DTNBP1: variants seen among roughly 807,000 people sequenced by gnomAD.
The protein encoded by DTNBP1 is dystrobrevin binding protein 1.
Under a neutral mutation model 42.8 loss-of-function variants are expected in DTNBP1, and 35 were observed. That is an observed-to-expected ratio of 0.82 (90% CI 0.63 to 1.09). DTNBP1 has a LOEUF of 1.09. Among genes scored for constraint, DTNBP1 ranks in the 50% least tolerant of loss-of-function variants. The probability of loss-of-function intolerance (pLI) is 0.00; values close to 1 mark genes in which losing one functional copy is unlikely to be tolerated. For missense variants in DTNBP1, 457 were observed against 424.2 expected (o/e 1.08, Z -0.68); for synonymous variants, 171 against 162.2 (o/e 1.05, Z -0.41).
chr6:15,527,597 A>G (rs1561935547), intron 8 of DTNBP1, among the ~76,000 whole-genome samples: 1 of 152,326 alleles, frequency 6.6e-6, no homozygotes, highest in South Asian at 2.1e-4. Context: ...TGAATATTCA[A>G]CTTGGGTTAG....
At chr6:15,639,483 T>C (rs1760215485) in intron 3 of DTNBP1, among the ~76,000 whole-genome samples, 1 of 152,348 alleles carries the variant, frequency 6.6e-6, no homozygotes, top group African/African-American at 2.4e-5. Flanking sequence ...ATTTTTCTAC[T>C]GAATTTAAGT....
intron 7 of DTNBP1, among the ~76,000 whole-genome samples, chr6:15,588,788 T>C (rs1776179507): frequency 1.3e-5 from 2 of 152,250 alleles, no homozygotes; most frequent in African/African-American, 4.8e-5. Flanking sequence ...CATATATGCA[T>C]CTTTACAACT....
intron 9 of DTNBP1, 63 bp from the exon 10 acceptor site, chr6:15,523,282 C>T: frequency 3.7e-6 from 6 of 1,601,704 alleles, no homozygotes; most frequent in Non-Finnish European, 5.1e-6. Flanking sequence ...AGAATTGCCG[C>T]CAACAGCTGT....
At position 15,549,998 on chromosome 6, in the gene DTNBP1, C is replaced by T. The variant is rs147241959; in HGVS notation, c.512-16603G>A. ...TGACTACGCCAATCCCACCTCACTTCAAGAACTTCCTGTCCAAAGGTGAGG... is the reference window on the plus strand; with the variant it reads ...TGACTACGCCAATCCCACCTCACTTTAAGAACTTCCTGTCCAAAGGTGAGG... On this transcript the variant is annotated intron_variant, in intron 7 of 9. Coordinates refer to ENST00000344537, the MANE Select transcript of DTNBP1 (RefSeq NM_032122.5). Among the ~76,000 whole-genome samples the T allele has an allele frequency of 2.9e-3, 447 of 152,338 alleles. 1 individual carries two copies. The highest frequency in any genetic ancestry group is 3.9e-3 in the Non-Finnish European group (268 of 68,024).
chr6:15,532,229 C>G (rs903396062), intron 8 of DTNBP1, among the ~76,000 whole-genome samples: 4 of 152,208 alleles, frequency 2.6e-5, no homozygotes, highest in Non-Finnish European at 4.4e-5. Flanking sequence ...ATGTAAGCTG[C>G]CCAGTGCCGC....
At chr6:15,653,971 T>C (rs1352793808) in intron 1 of DTNBP1, among the ~76,000 whole-genome samples, 1 of 152,226 alleles carries the variant, frequency 6.6e-6, no homozygotes, top group Non-Finnish European at 1.5e-5. Context: ...CAGGATTCCA[T>C]CTTTTCTGTC....
intron 5 of DTNBP1, among the ~76,000 whole-genome samples, chr6:15,622,624 G>A (rs141888283): frequency 6.6e-6 from 1 of 152,230 alleles, no homozygotes; most frequent in Non-Finnish European, 1.5e-5. Flanking sequence ...ACCTTTACAA[G>A]AAGCTCAAGC....
At chr6:15,577,629 T>A (rs1206320021) in intron 7 of DTNBP1, among the ~76,000 whole-genome samples, 1 of 152,210 alleles carries the variant, frequency 6.6e-6, no homozygotes, top group Non-Finnish European at 1.5e-5. Flanking sequence ...AGGATGAGAC[T>A]CAAGACTGCA....
At chr6:15,647,527 T>G (rs541189372) in intron 3 of DTNBP1, among the ~76,000 whole-genome samples, 87 of 151,254 alleles carry the variant, frequency 5.8e-4, no homozygotes, top group African/African-American at 2.0e-3. Context: ...CAATTTAAAT[T>G]ATCAAAATTA....
chr6:15,646,507 G>GAA (rs139491827), intron 3 of DTNBP1, among the ~76,000 whole-genome samples: 877 of 147,560 alleles, frequency 5.9e-3, no homozygotes, highest in Non-Finnish European at 9.8e-3. Context: ...CCCAAAATCA[G>GAA]AAAAAAAAAA....
intron 7 of DTNBP1, among the ~76,000 whole-genome samples, chr6:15,575,168 A>G (rs1239987108): frequency 6.6e-6 from 1 of 152,190 alleles, no homozygotes; most frequent in Non-Finnish European, 1.5e-5. Context: ...GGGCTATTCC[A>G]GTGTTAAATT....
At position 15,523,233 on chromosome 6, in the gene DTNBP1, T is replaced by G; in HGVS notation, c.812-14A>C. The G allele has an allele frequency of 6.2e-7, 1 of 1,613,910 alleles. No homozygotes were observed. Among genetic ancestry groups the G allele is most frequent in the Non-Finnish European group, 8.5e-7 (1 of 1,179,952 alleles). ...TGGATTCAGGCCCTGCAAAATAACGTAGGGAAGAAAAAGCCCTGTCATAAA... is the reference window on the plus strand; with the variant it reads ...TGGATTCAGGCCCTGCAAAATAACGGAGGGAAGAAAAAGCCCTGTCATAAA... On this transcript the variant is annotated splice_polypyrimidine_tract_variant and intron_variant, in intron 9 of 9. Coordinates refer to ENST00000344537, the MANE Select transcript of DTNBP1 (RefSeq NM_032122.5).
At chr6:15,659,193 T>C (rs1761450049) in intron 1 of DTNBP1, among the ~76,000 whole-genome samples, 1 of 152,224 alleles carries the variant, frequency 6.6e-6, no homozygotes. Context: ...TAAGGAATCG[T>C]TCTATTTTAC....
At chr6:15,582,817 T>C (rs1338129639) in intron 7 of DTNBP1, among the ~76,000 whole-genome samples, 1 of 152,206 alleles carries the variant, frequency 6.6e-6, no homozygotes, top group Non-Finnish European at 1.5e-5. Context: ...AAGTATCCTA[T>C]GCTACTCTTT....
intron 7 of DTNBP1, among the ~76,000 whole-genome samples, chr6:15,536,757 C>A (rs1425685494): frequency 6.6e-6 from 1 of 152,194 alleles, no homozygotes; most frequent in African/African-American, 2.4e-5. Flanking sequence ...GGGCCACTGC[C>A]CTCCAGAGCC....
At chr6:15,604,752 CA>C (rs1453393026) in intron 6 of DTNBP1, among the ~76,000 whole-genome samples, 1 of 148,066 alleles carries the variant, frequency 6.8e-6, no homozygotes, top group East Asian at 2.0e-4. Flanking sequence ...TACCAAAAAA[CA>C]AAACAAAAAA....
chr6:15,631,302 G>A (rs1441526613), intron 4 of DTNBP1, among the ~76,000 whole-genome samples: 1 of 152,124 alleles, frequency 6.6e-6, no homozygotes, highest in Non-Finnish European at 1.5e-5. Flanking sequence ...CTTTTGATGA[G>A]CTGTGGGTTT....
At chr6:15,523,293 G>T in intron 9 of DTNBP1, 74 bp from the exon 10 acceptor site, 3 of 1,586,484 alleles carry the variant, frequency 1.9e-6, no homozygotes, top group Non-Finnish European at 2.6e-6. Context: ...CAACAGCTGT[G>T]GAATGTGCCC....
chr6:15,656,129 G>A (rs969906393), intron 1 of DTNBP1, among the ~76,000 whole-genome samples: 2 of 152,126 alleles, frequency 1.3e-5, no homozygotes, highest in Non-Finnish European at 1.5e-5. Flanking sequence ...TATAATAAAG[G>A]TGATCCCCAT....
Sources: gnomAD v4.1 joint callset for allele counts (sites outside exome capture counted in the v4.1 genomes callset) on GRCh38, gnomAD v4.1.1 for gene constraint, MANE v1.5 for transcripts, NCBI Gene and HGNC (gene_info 2026-07-23, HGNC 2026-07-21) for gene names.